ARHGAP18: variants seen among roughly 807,000 people sequenced by gnomAD.
ARHGAP18 encodes the protein rho GTPase-activating protein 18.
In ARHGAP18, 67 loss-of-function variants were observed where a neutral mutation model predicts 86.2. The ratio of observed to expected loss-of-function variants is 0.78; its 90% CI spans 0.64 to 0.95. The LOEUF is 0.95. ARHGAP18 is among the 40% of genes least tolerant of loss of function. ARHGAP18 has a pLI of 0.00. For synonymous variants in ARHGAP18, 283 were observed against 280.4 expected (o/e 1.01, Z -0.09); for missense variants, 691 against 780.4 (o/e 0.89, Z 1.37).
At chr6:129,634,868 A>T (rs1773299212) in intron 3 of ARHGAP18, among the ~76,000 whole-genome samples, 1 of 148,116 alleles carries the variant, frequency 6.8e-6, no homozygotes, top group Non-Finnish European at 1.5e-5. Context: ...TGTCCCTAAT[A>T]AAACAGAAAT....
intron 1 of ARHGAP18, among the ~76,000 whole-genome samples, chr6:129,664,686 G>C (rs1342242316): frequency 6.6e-6 from 1 of 152,162 alleles, no homozygotes; most frequent in Non-Finnish European, 1.5e-5. Context: ...CTATGTATCA[G>C]ATACACTCTA....
At chr6:129,689,485 G>A (rs922481475) in intron 1 of ARHGAP18, among the ~76,000 whole-genome samples, 1 of 152,050 alleles carries the variant, frequency 6.6e-6, no homozygotes, top group Non-Finnish European at 1.5e-5. Context: ...TAGAGACAGG[G>A]TTTCACCATG....
At chr6:129,588,617 G>C (rs964388831) in intron 12 of ARHGAP18, among the ~76,000 whole-genome samples, 34 of 152,300 alleles carry the variant, frequency 2.2e-4, no homozygotes, top group African/African-American at 6.7e-4. Context: ...ACAGCTGTCA[G>C]CAGATCTACC....
At chr6:129,689,754 C>T (rs1217539161) in intron 1 of ARHGAP18, among the ~76,000 whole-genome samples, 1 of 152,156 alleles carries the variant, frequency 6.6e-6, no homozygotes, top group Non-Finnish European at 1.5e-5. Flanking sequence ...AAGCAGAATA[C>T]ATATATATTG....
chr6:129,641,738 T>G, intron 2 of ARHGAP18, 78 bp downstream of exon 2: 1 of 1,327,070 alleles, frequency 7.5e-7, no homozygotes, highest in Non-Finnish European at 1.0e-6. Context: ...ATTTTTTTTT[T>G]GTTCTCTTCC....
intron 1 of ARHGAP18, among the ~76,000 whole-genome samples, chr6:129,656,189 G>A (rs1166427821): frequency 6.6e-6 from 1 of 152,210 alleles, no homozygotes; most frequent in Non-Finnish European, 1.5e-5. Context: ...ACTGATCTCT[G>A]AATCTACATT....
intron 14 of ARHGAP18, among the ~76,000 whole-genome samples, 178 bp from the exon 15 acceptor site, chr6:129,578,782 A>G (rs1788230484): frequency 6.6e-6 from 1 of 152,042 alleles, no homozygotes; most frequent in African/African-American, 2.4e-5. Context: ...TGGGCAACAT[A>G]ATGAAACCCC....
chr6:129,625,035 ATT>A (rs1175139256), intron 5 of ARHGAP18, among the ~76,000 whole-genome samples: 1 of 66,368 alleles, frequency 1.5e-5, no homozygotes, highest in Non-Finnish European at 2.7e-5. Flanking sequence ...TATGATATAT[ATT>A]TATATAATAT....
intron 12 of ARHGAP18, among the ~76,000 whole-genome samples, chr6:129,590,871 C>T (rs1169954175): frequency 1.3e-5 from 2 of 152,206 alleles, no homozygotes; most frequent in African/African-American, 4.8e-5. Context: ...AGTGATTCAT[C>T]CCATCCAAAT....
intron 1 of ARHGAP18, among the ~76,000 whole-genome samples, chr6:129,658,548 T>C (rs1429827389): frequency 6.6e-6 from 1 of 152,200 alleles, no homozygotes; most frequent in East Asian, 1.9e-4. Flanking sequence ...AGTGAGAAAC[T>C]GTGTGGACAT....
chr6:129,698,685 C>T (rs892503399), intron 1 of ARHGAP18, among the ~76,000 whole-genome samples: 11 of 133,540 alleles, frequency 8.2e-5, no homozygotes, highest in South Asian at 2.7e-4. Context: ...TGTACCACCA[C>T]GCCCAGTTTT....
At chr6:129,594,923 A>C (rs775805549) in intron 12 of ARHGAP18, among the ~76,000 whole-genome samples, 4 of 152,196 alleles carry the variant, frequency 2.6e-5, no homozygotes, top group Non-Finnish European at 5.9e-5. Flanking sequence ...GTTTTGGTAT[A>C]TATCCTTCTT....
At chr6:129,626,510 A>G (rs1157701508) in intron 5 of ARHGAP18, among the ~76,000 whole-genome samples, 3 of 152,088 alleles carry the variant, frequency 2.0e-5, no homozygotes, top group African/African-American at 7.2e-5. Flanking sequence ...TTTCAAGAAA[A>G]GCAATCTCTA....
At chr6:129,650,968 G>C (rs892083474) in intron 1 of ARHGAP18, among the ~76,000 whole-genome samples, 1 of 152,112 alleles carries the variant, frequency 6.6e-6, no homozygotes, top group Admixed American at 6.5e-5. Context: ...ATCTGCTTGT[G>C]CGTGTGTCCC....
intron 12 of ARHGAP18, among the ~76,000 whole-genome samples, chr6:129,590,442 G>C (rs571090824): frequency 3.9e-5 from 6 of 152,252 alleles, no homozygotes; most frequent in African/African-American, 1.4e-4. Flanking sequence ...GAGTTTTCAC[G>C]TATATGTGTA....
chr6:129,684,817 C>T (rs765601006), intron 1 of ARHGAP18, among the ~76,000 whole-genome samples: 54 of 152,100 alleles, frequency 3.6e-4, no homozygotes, highest in Non-Finnish European at 5.7e-4. Context: ...TTACTTAACC[C>T]GAAGCCTAAT....
chr6:129,657,429 T>TTAA (rs767181436), intron 1 of ARHGAP18, among the ~76,000 whole-genome samples: 4 of 136,636 alleles, frequency 2.9e-5, no homozygotes, highest in Non-Finnish European at 4.8e-5. Context: ...TTTTTGAAAT[T>TTAA]AAAAAAAAAA....
At chr6:129,640,018 C>T (rs1399477384) in intron 2 of ARHGAP18, among the ~76,000 whole-genome samples, 3 of 132,896 alleles carry the variant, frequency 2.3e-5, no homozygotes, top group Non-Finnish European at 3.1e-5. Context: ...GTACTCCAGC[C>T]TGGGCGACAG....
At chr6:129,644,839 C>A (rs1212399416) in intron 1 of ARHGAP18, among the ~76,000 whole-genome samples, 1 of 152,054 alleles carries the variant, frequency 6.6e-6, no homozygotes, top group East Asian at 1.9e-4. Context: ...ATAAATACAC[C>A]ATCTATATCA....
Sources: allele counts gnomAD v4.1 joint callset (sites outside exome capture counted in the v4.1 genomes callset), GRCh38; gene constraint gnomAD v4.1.1; transcripts MANE v1.5; gene names NCBI Gene and HGNC (gene_info 2026-07-23, HGNC 2026-07-21).